The following NFS1 variants were observed in gnomAD, a reference collection of about 807,000 sequenced individuals.
NFS1 encodes NFS1 cysteine desulfurase.
A neutral mutation model predicts 57.3 loss-of-function variants in NFS1; 26 were observed. The ratio of observed to expected loss-of-function variants is 0.45; its 90% CI spans 0.33 to 0.63. NFS1 has a LOEUF of 0.63. NFS1 is among the 20% of genes least tolerant of loss of function. NFS1 has a pLI of 0.02. For missense variants in NFS1, 505 were observed against 605.8 expected (o/e 0.83, Z 1.75); for synonymous variants, 209 against 216.3 (o/e 0.97, Z 0.30).
At chr20:35,673,491 G>T in intron 11 of NFS1, 110 bp downstream of exon 11, 1 of 835,792 alleles carries the variant, frequency 1.2e-6, no homozygotes. Context: ...GAAGAGATAA[G>T]GAGAACTCGA....
chr20:35,668,429 A>G lies in NFS1; in HGVS notation c.*1193T>C, dbSNP rs1317783317. ...TCTCCTTTTTTAAGTACTGGTAACT[A>G]CCCACCTATGGGTTCAGACCCACAA... On this transcript the variant is annotated 3_prime_UTR_variant, in exon 13 of 13. Transcript: ENST00000374092. 1 of 152,214 alleles carries G rather than the reference A, an allele frequency of 6.6e-6. No homozygotes were observed. The highest frequency in any genetic ancestry group is 6.5e-5 in the Admixed American group (1 of 15,274). The allele number at this position is 152,214 out of a possible 1,614,324, so 9.4% of individuals were successfully genotyped here.
At chr20:35,695,303 A>G (rs1274216464) in intron 4 of NFS1, among the ~76,000 whole-genome samples, 1 of 152,196 alleles carries the variant, frequency 6.6e-6, no homozygotes, top group Non-Finnish European at 1.5e-5. Flanking sequence ...AGCCCGTCCT[A>G]GGCCTCCTAT....
chr20:35,674,165 G>A (rs1292457227), intron 10 of NFS1, 185 bp downstream of exon 10: 1 of 598,276 alleles, frequency 1.7e-6, no homozygotes, highest in Non-Finnish European at 3.0e-6. Flanking sequence ...AGTCTTCCTA[G>A]GGTGGTAAAC....
At chr20:35,680,631 A>C (rs2034831541) in intron 7 of NFS1, 106 bp downstream of exon 7, 2 of 1,022,690 alleles carry the variant, frequency 2.0e-6, no homozygotes, top group South Asian at 5.2e-5. Flanking sequence ...CTCTGAATGT[A>C]CAACTTCCTC....
intron 7 of NFS1, among the ~76,000 whole-genome samples, chr20:35,679,101 G>A (rs896358507): frequency 3.3e-5 from 5 of 152,156 alleles, no homozygotes; most frequent in Non-Finnish European, 5.9e-5. Context: ...ACATGTAAGT[G>A]TTGATCAGAG....
At chr20:35,689,929 C>CA (rs779636716) in intron 5 of NFS1, among the ~76,000 whole-genome samples, 12,225 of 70,780 alleles carry the variant, frequency 0.17, 936 homozygotes, top group Middle Eastern at 0.28. Context: ...GACTCTGCCT[C>CA]AAAAAAAAAA....
At chr20:35,688,931 T>A (rs2146431533) in intron 5 of NFS1, among the ~76,000 whole-genome samples, 1 of 152,054 alleles carries the variant, frequency 6.6e-6, no homozygotes, top group Admixed American at 6.6e-5. Flanking sequence ...AGAGAGGAAA[T>A]AATGAATGAT....
chr20:35,697,030 C>T (rs901276028), intron 3 of NFS1, among the ~76,000 whole-genome samples: 2 of 152,132 alleles, frequency 1.3e-5, no homozygotes, highest in Admixed American at 6.5e-5. Flanking sequence ...TGCTTGAACC[C>T]GGGAGGCAGA....
intron 7 of NFS1, among the ~76,000 whole-genome samples, chr20:35,677,946 A>C (rs1191289946): frequency 6.6e-6 from 1 of 151,804 alleles, no homozygotes; most frequent in Admixed American, 6.6e-5. Flanking sequence ...CGGGCACGGG[A>C]TTACGCCTGT....
intron 5 of NFS1, among the ~76,000 whole-genome samples, chr20:35,686,520 A>C (rs969255163): frequency 6.6e-5 from 10 of 152,162 alleles, no homozygotes; most frequent in African/African-American, 2.4e-4. Context: ...TGGTATGTGA[A>C]TTACATCAGA....
chr20:35,690,673 C>A, intron 4 of NFS1, 108 bp from the exon 5 acceptor site: 1 of 1,039,136 alleles, frequency 9.6e-7, no homozygotes, highest in East Asian at 2.4e-5. Flanking sequence ...GCTCCAACAC[C>A]AGTTCTCTCA....
intron 5 of NFS1, among the ~76,000 whole-genome samples, chr20:35,683,099 C>T (rs2034878378): frequency 6.6e-6 from 1 of 150,708 alleles, no homozygotes; most frequent in South Asian, 2.1e-4. Flanking sequence ...CAAAACAAAA[C>T]AAAAAAACAA....
In NFS1 at chr20:35,668,721, A is replaced by C. The variant is rs1414627939; in HGVS notation, c.*901T>G. 2.6e-5 allele frequency: 4 copies of C among 152,254 alleles called. No individual in the cohort carries two copies. The East Asian group carries it at 7.7e-4, about 29-fold the overall frequency. 9.4% of individuals were successfully genotyped at this position (152,254 alleles called of 1,614,324 possible). On this transcript the variant is annotated 3_prime_UTR_variant, in exon 13 of 13. Coordinates refer to ENST00000374092, the MANE Select transcript of NFS1 (RefSeq NM_021100.5). ...TATAACATTGTTTATTTGTTTAATTATTTTCCATCTCTCCACTAAAATTTA... is the reference window on the plus strand; with the variant it reads ...TATAACATTGTTTATTTGTTTAATTCTTTTCCATCTCTCCACTAAAATTTA...
chr20:35,675,177 G>A lies in NFS1; in HGVS notation c.816C>T (p.Arg272=). ...GGGCCTCCACACGCACACGGGGCCG[G>A]CGACGGATGTAGATGGCACCAACCC... The part of the protein sequence containing the change: ...PKGVGAIYIR[R]RPRVRVEALQ... The change falls in exon 8 of 13, where the codon CGC becomes CGT. Residue 272 remains arginine (R), a synonymous_variant. Transcript: ENST00000374092. 3 of 1,613,494 alleles carry A rather than the reference G, an allele frequency of 1.9e-6. No homozygotes were observed. Among genetic ancestry groups the A allele is most frequent in the Non-Finnish European group, 2.5e-6 (3 of 1,179,876 alleles).
chr20:35,685,089 G>A (rs1002631794), intron 5 of NFS1, among the ~76,000 whole-genome samples: 24 of 151,792 alleles, frequency 1.6e-4, no homozygotes, highest in African/African-American at 4.9e-4. Flanking sequence ...GTTTTACCAT[G>A]TTGGCCAGGC....
chr20:35,698,578 G>C lies in NFS1; in HGVS notation c.110C>G (p.Ala37Gly), dbSNP rs1335787548. 1 of 1,611,640 alleles carries C rather than the reference G, an allele frequency of 6.2e-7. No homozygotes were observed. Among genetic ancestry groups the C allele is most frequent in the African/African-American group, 1.3e-5 (1 of 74,760 alleles). ...RGLRLRVGDR[A>G]PQSAVPADTA... ...ATCTGCGGGAACCGCAGACTGAGGAGCACGGTCTCCAACTGATAAAAAATG... is the reference window on the plus strand; with the variant it reads ...ATCTGCGGGAACCGCAGACTGAGGACCACGGTCTCCAACTGATAAAAAATG... Residue 37 changes from alanine to glycine, a missense_variant, in exon 2 of 13, where the codon GCT (alanine) becomes GGT (glycine). Transcript: ENST00000374092.
intron 1 of NFS1, chr20:35,698,906 T>C (rs1429753686): frequency 9.9e-6 from 13 of 1,315,706 alleles, no homozygotes; most frequent in African/African-American, 3.1e-5. Context: ...TGACCGAAGG[T>C]AACGGTCTGC....
intron 7 of NFS1, among the ~76,000 whole-genome samples, chr20:35,677,494 C>G (rs564700412): frequency 1.3e-5 from 2 of 152,168 alleles, no homozygotes; most frequent in East Asian, 3.9e-4. Flanking sequence ...TATGATCGTG[C>G]CACTCACTCC....
chr20:35,678,000 G>C (rs1361778857), intron 7 of NFS1, among the ~76,000 whole-genome samples: 5 of 152,066 alleles, frequency 3.3e-5, no homozygotes, highest in Non-Finnish European at 5.9e-5. Context: ...GATCACCTGA[G>C]GTCAGGAGTT....
Sources: allele counts gnomAD v4.1 joint callset (sites outside exome capture counted in the v4.1 genomes callset), GRCh38; gene constraint gnomAD v4.1.1; transcripts MANE v1.5; gene names NCBI Gene and HGNC (gene_info 2026-07-23, HGNC 2026-07-21).